The following FMNL3 variants were observed in gnomAD, a reference collection of about 807,000 sequenced individuals.
FMNL3 encodes formin-like protein 3.
A neutral mutation model predicts 119.6 loss-of-function variants in FMNL3; 57 were observed. That is an observed-to-expected ratio of 0.48 (90% CI 0.39 to 0.59). The LOEUF (loss-of-function observed/expected upper bound fraction) is 0.59. Ranked by LOEUF, FMNL3 falls within the 20% of genes least tolerant of loss-of-function variation. The pLI is 0.00. For missense variants in FMNL3, 1,053 were observed against 1,323.5 expected (o/e 0.80, Z 3.17); for synonymous variants, 491 against 507.3 (o/e 0.97, Z 0.43).
rs1327278368 is a variant in FMNL3 at position 49,654,921 on chromosome 12, T to G, written c.949A>C (p.Ile317Leu). 1.9e-6 allele frequency: 3 copies of G among 1,614,064 alleles called. No homozygotes were observed. In the South Asian group the frequency reaches 3.3e-5, roughly 18 times the overall value. Residue 317 changes from isoleucine (I) to leucine (L), a missense_variant, in exon 10 of 26, where the codon ATT (isoleucine) becomes CTT (leucine). This residue lies in a region of FMNL3 where 445 missense variants were observed against 628.4 expected (regional missense o/e 0.71). Coordinates refer to ENST00000335154, the MANE Select transcript of FMNL3 (RefSeq NM_175736.5). ...GCCCAGTTCCTCACCATGAAGTCAA[T>G]ATTGCTGTCCTCATTCCGGAAATAC... ...MEYFRNEDSN[I>L]DFMVACMQFI... is the part of the protein sequence containing the mutation.
At chr12:49,669,937 C>T (rs1943999562) in intron 1 of FMNL3, among the ~76,000 whole-genome samples, 1 of 152,236 alleles carries the variant, frequency 6.6e-6, no homozygotes, top group Non-Finnish European at 1.5e-5. Flanking sequence ...CCTGCTCCCT[C>T]GTAATCTTGA....
At chr12:49,690,856 G>A (rs1944582669) in intron 1 of FMNL3, among the ~76,000 whole-genome samples, 1 of 152,210 alleles carries the variant, frequency 6.6e-6, no homozygotes, top group South Asian at 2.1e-4. Context: ...ACCAGCCTGG[G>A]TAACATGGTG....
intron 1 of FMNL3, among the ~76,000 whole-genome samples, chr12:49,678,251 G>C (rs924967047): frequency 6.6e-6 from 1 of 150,724 alleles, no homozygotes; most frequent in African/African-American, 2.4e-5. Flanking sequence ...TCTGCCTCCC[G>C]GGTTCAAGTG....
In FMNL3 at chr12:49,648,294, G is replaced by A. The variant is rs371810582; in HGVS notation, c.2575C>T (p.Arg859Trp). The change falls in exon 22 of 26, where the codon CGG becomes TGG. Residue 859 changes from arginine to tryptophan, a missense_variant. Physicochemically the swap from Arg to Trp is moderately radical, Grantham distance 101. This residue lies in a region of FMNL3 where 324 missense variants were observed against 380.9 expected (regional missense o/e 0.85). Transcript: ENST00000335154. ...KELGRGMELI[R>W]RECSIHDNSV... The stretch of plus-strand genomic sequence containing the variant: ...TTGTCATGGATGCTGCACTCACGCC[G>A]AATCAGCTCCATGCCCCGGCCCAGC... The A allele has an allele frequency of 2.0e-5, 32 of 1,613,616 alleles. No individual in the cohort carries two copies. Among genetic ancestry groups the A allele is most frequent in the Middle Eastern group, 1.7e-4 (1 of 6,056 alleles).
intron 1 of FMNL3, among the ~76,000 whole-genome samples, chr12:49,705,526 G>T (rs1159634115): frequency 6.6e-6 from 1 of 152,112 alleles, no homozygotes; most frequent in Non-Finnish European, 1.5e-5. Flanking sequence ...TAGCTAACTT[G>T]TGTCAGCTTG....
chr12:49,691,376 A>G (rs1267009976), intron 1 of FMNL3, among the ~76,000 whole-genome samples: 1 of 152,300 alleles, frequency 6.6e-6, no homozygotes. Flanking sequence ...CTTGACTTTG[A>G]GAAGCTGAGA....
chr12:49,688,505 A>G (rs1311499084), intron 1 of FMNL3: 1 of 455,920 alleles, frequency 2.2e-6, no homozygotes, highest in Non-Finnish European at 4.4e-6. Flanking sequence ...GCCTTCTTGC[A>G]GTTCCTCAAA....
chr12:49,679,301 G>T (rs548740859), intron 1 of FMNL3, among the ~76,000 whole-genome samples: 1 of 152,036 alleles, frequency 6.6e-6, no homozygotes, highest in Non-Finnish European at 1.5e-5. Flanking sequence ...TCCTCACAAT[G>T]TCTCCTCTGA....
chr12:49,642,707 A>C lies in FMNL3; in HGVS notation c.*3108T>G. 1 of 1,601,304 alleles carries C rather than the reference A, an allele frequency of 6.2e-7. No individual in the cohort carries two copies. The highest frequency in any genetic ancestry group is 1.1e-5 in the South Asian group (1 of 89,294). On this transcript the variant is annotated 3_prime_UTR_variant, in exon 26 of 26. Transcript: ENST00000335154. This position sits in a 1 kb window ranked among gnomAD's most constrained non-coding sequence, Gnocchi z 5.8. ...CAGGCTTGTCCTCTGGATCTGCCTC[A>C]GGCCCTTGAACTCATTAGACCAGTT...
Position 49,637,850 on chromosome 12 carries a change from G to C in FMNL3, c.*7965C>G. 1 of 1,547,220 alleles carries C rather than the reference G, an allele frequency of 6.5e-7. No individual in the cohort carries two copies. The stretch of plus-strand genomic sequence containing the variant: ...GTGAGGGAGGCTGGGGTTATGGATG[G>C]ATACAGGATGGATGCAGGGCACACT... On this transcript the variant is annotated 3_prime_UTR_variant, in exon 26 of 26. Coordinates refer to ENST00000335154, the MANE Select transcript of FMNL3 (RefSeq NM_175736.5).
chr12:49,670,176 A>C (rs1255308218), intron 1 of FMNL3, among the ~76,000 whole-genome samples: 1 of 152,232 alleles, frequency 6.6e-6, no homozygotes, highest in Non-Finnish European at 1.5e-5. Flanking sequence ...GGGGACATGA[A>C]CTGTGTGCAT....
At chr12:49,666,303 G>A (rs1943889796) in intron 2 of FMNL3, 96 bp from the exon 3 acceptor site, 1 of 1,110,960 alleles carries the variant, frequency 9.0e-7, no homozygotes, top group African/African-American at 1.6e-5. Flanking sequence ...TCAGTGTGAG[G>A]GGGACTCAGC....
Position 49,657,081 on chromosome 12 carries a change from C to T in FMNL3, c.714+1G>A. ...ACCTATGGCTAGTGCTTCCCCCTTA[C>T]CTGATAGTTCATGATGGCTCTGAGA... On this transcript the variant is annotated splice_donor_variant, in intron 7 of 25. Transcript: ENST00000335154. LOFTEE classifies it high-confidence loss of function. 6.2e-7 allele frequency: 1 copy of T among 1,613,810 alleles called. No homozygotes were observed. The highest frequency in any genetic ancestry group is 8.5e-7 in the Non-Finnish European group (1 of 1,179,712).
chr12:49,654,163 T>G (rs1369174023), intron 11 of FMNL3, 29 bp downstream of exon 11: 24 of 1,592,544 alleles, frequency 1.5e-5, no homozygotes, highest in Non-Finnish European at 2.0e-5. Flanking sequence ...CCAAAGCACC[T>G]CACCTTACAA....
chr12:49,646,512 G>A (rs537865035), intron 25 of FMNL3: 86 of 695,444 alleles, frequency 1.2e-4, no homozygotes, highest in South Asian at 2.3e-4. Context: ...CAAGAAGTAT[G>A]TGTCCCCATT....
chr12:49,649,230 C>T lies in FMNL3; in HGVS notation c.2385+29G>A, dbSNP rs1943314715. 1 of 1,613,864 alleles carries T rather than the reference C, an allele frequency of 6.2e-7. No homozygotes were observed. Among genetic ancestry groups the T allele is most frequent in the South Asian group, 1.1e-5 (1 of 91,046 alleles). On this transcript the variant is annotated intron_variant, in intron 20 of 25. Transcript: ENST00000335154. The surrounding 1 kb of genome is among the most constrained non-coding windows in gnomAD (Gnocchi z 5.6). ...TCCACAACTGCTGCCCCCCAGGCTT[C>T]CTGGCCCACGCTGCCCTCACCATCT...
intron 5 of FMNL3, among the ~76,000 whole-genome samples, chr12:49,661,472 G>GTTCTT (rs370939172): frequency 0.021 from 3,193 of 152,254 alleles, 111 homozygotes; most frequent in African/African-American, 0.073. Context: ...CTGCCTGCTA[G>GTTCTT]AAAAAGACTC....
At chr12:49,661,759 AC>A in intron 5 of FMNL3, 1 of 581,798 alleles carries the variant, frequency 1.7e-6, no homozygotes, top group Non-Finnish European at 3.1e-6. Flanking sequence ...CTTATCTTCT[AC>A]TCCAGCCAAG....
At position 49,645,626 on chromosome 12, in the gene FMNL3, T is replaced by G; in HGVS notation, c.*189A>C. On this transcript the variant is annotated 3_prime_UTR_variant, in exon 26 of 26. Coordinates refer to ENST00000335154, the MANE Select transcript of FMNL3 (RefSeq NM_175736.5). ...AGACCTTGGGGGCAAAGTGCAGTAC[T>G]GGAAGCACCAGGGACCTACAGACCT... The G allele has an allele frequency of 1.8e-6, 1 of 558,916 alleles. No individual in the cohort carries two copies. The highest frequency in any genetic ancestry group is 2.0e-5 in the African/African-American group (1 of 50,850). The allele number at this position is 558,916 out of a possible 1,614,324, so 34.6% of individuals were successfully genotyped here.
Sources: gnomAD v4.1 joint callset for allele counts (sites outside exome capture counted in the v4.1 genomes callset) on GRCh38, gnomAD v4.1.1 for gene constraint, gnomAD v4.1.1 regional missense constraint, Gnocchi (gnomAD v3.1) non-coding constraint, MANE v1.5 for transcripts, NCBI Gene and HGNC (gene_info 2026-07-23, HGNC 2026-07-21) for gene names.